FOXN3: variants seen among roughly 807,000 people sequenced by gnomAD.
FOXN3 encodes the protein forkhead box N3, also known as forkhead box protein N3.
A neutral mutation model predicts 38.4 loss-of-function variants in FOXN3; 7 were observed. That is an observed-to-expected ratio of 0.18 (90% CI 0.10 to 0.34). FOXN3 has a LOEUF of 0.34. FOXN3 is among the 10% of genes least tolerant of loss of function. FOXN3 has a pLI of 1.00. For missense variants in FOXN3, 456 were observed against 613.4 expected, an observed-to-expected ratio of 0.74 and a Z score of 2.71; for synonymous variants, 230 against 242.2, an observed-to-expected ratio of 0.95 and a Z score of 0.47.
At chr14:89,405,305 T>G (rs1232297279) in intron 2 of FOXN3, among the ~76,000 whole-genome samples, 1 of 151,796 alleles carries the variant, frequency 6.6e-6, no homozygotes, top group Non-Finnish European at 1.5e-5. Flanking sequence ...CCCGGCTACT[T>G]TTTGTATTTT....
chr14:89,379,753 C>G (rs751122701), intron 2 of FOXN3, among the ~76,000 whole-genome samples: 3 of 152,050 alleles, frequency 2.0e-5, no homozygotes, highest in Non-Finnish European at 4.4e-5. Context: ...TCCCCACCAC[C>G]AGGTTCAAGG....
At chr14:89,325,301 A>ACACCAC (rs1369611682) in intron 3 of FOXN3, among the ~76,000 whole-genome samples, 12 of 80,302 alleles carry the variant, frequency 1.5e-4, no homozygotes, top group East Asian at 7.5e-4. Flanking sequence ...ACCAACACCA[A>ACACCAC]CACCACCACC....
At chr14:89,590,097 A>G (rs1895920083) in intron 1 of FOXN3, among the ~76,000 whole-genome samples, 1 of 152,124 alleles carries the variant, frequency 6.6e-6, no homozygotes. Context: ...CGATGTTACC[A>G]TTTGAATCTA....
At chr14:89,379,688 G>A (rs778530250) in intron 2 of FOXN3, among the ~76,000 whole-genome samples, 14 of 151,056 alleles carry the variant, frequency 9.3e-5, no homozygotes, top group African/African-American at 2.2e-4. Flanking sequence ...TCGCTCTTTC[G>A]CCCAGGCTGG....
At chr14:89,590,715 G>T (rs1433928419) in intron 1 of FOXN3, among the ~76,000 whole-genome samples, 6 of 152,092 alleles carry the variant, frequency 3.9e-5, no homozygotes, top group Non-Finnish European at 8.8e-5. Flanking sequence ...CCCAAAGAAG[G>T]ACATAGAAAC....
At chr14:89,594,115 T>G (rs28502281) in intron 1 of FOXN3, among the ~76,000 whole-genome samples, 4,185 of 152,322 alleles carry the variant, frequency 0.027, 176 homozygotes, top group African/African-American at 0.096. Context: ...ATACTCTTGA[T>G]GGACACTGGG....
rs555799467 is a variant in FOXN3, at chr14:89,470,283, CT to C, written c.-14-57794del. Among the ~76,000 whole-genome samples the C allele has an allele frequency of 1.6e-4, 14 of 85,808 alleles. No homozygotes were observed. The East Asian group carries it at 4.3e-3, about 27-fold the overall frequency. 56.3% of individuals were successfully genotyped at this position (85,808 alleles called of 152,430 possible). On this transcript the variant is annotated intron_variant, in intron 1 of 6. Transcript: ENST00000345097. ...CAACCTACAATTATTACATATTTCTCTCTGACTTTCTAAAAAAAAAAAAAAG... is the reference window on the plus strand; with the variant it reads ...CAACCTACAATTATTACATATTTCTCCTGACTTTCTAAAAAAAAAAAAAAG...
intron 3 of FOXN3, among the ~76,000 whole-genome samples, chr14:89,292,016 C>T (rs1286792141): frequency 3.3e-5 from 5 of 152,150 alleles, no homozygotes; most frequent in South Asian, 4.1e-4. Flanking sequence ...CCAATCTCTC[C>T]ACTCATCAAG....
chr14:89,326,533 T>C (rs1888087168), intron 3 of FOXN3, among the ~76,000 whole-genome samples: 1 of 152,174 alleles, frequency 6.6e-6, no homozygotes, highest in South Asian at 2.1e-4. Flanking sequence ...CACTGGACTT[T>C]AGTCAAAAGT....
intron 4 of FOXN3, among the ~76,000 whole-genome samples, chr14:89,278,779 CGA>C (rs1566945159): frequency 6.6e-6 from 1 of 152,072 alleles, no homozygotes; most frequent in Non-Finnish European, 1.5e-5. Flanking sequence ...TAGGGAAAAA[CGA>C]GGGATGTGCG....
chr14:89,316,790 C>T (rs765991519), intron 3 of FOXN3, among the ~76,000 whole-genome samples: 2 of 152,016 alleles, frequency 1.3e-5, no homozygotes, highest in African/African-American at 2.4e-5. Context: ...CTCAGCCTCC[C>T]GAGTAGCTAG....
intron 1 of FOXN3, chr14:89,577,166 C>G (rs1261914746): frequency 6.6e-6 from 1 of 152,266 alleles, no homozygotes; most frequent in Non-Finnish European, 1.5e-5. Flanking sequence ...CTGCAAATGC[C>G]TGGGGTGCGA....
At chr14:89,567,774 G>T (rs1895392955) in intron 1 of FOXN3, among the ~76,000 whole-genome samples, 1 of 146,848 alleles carries the variant, frequency 6.8e-6, no homozygotes, top group Admixed American at 6.9e-5. Context: ...CCAGGCTGGA[G>T]TGCAGTGGCG....
chr14:89,525,903 A>T lies in FOXN3; in HGVS notation c.-15+93125T>A, dbSNP rs373644. Among the ~76,000 whole-genome samples the T allele has an allele frequency of 4.7e-3, 714 of 151,880 alleles. 5 individuals are homozygous for T. The highest frequency in any genetic ancestry group is 0.016 in the African/African-American group (664 of 41,420). On this transcript the variant is annotated intron_variant, in intron 1 of 6. Transcript: ENST00000345097. ...CTTAGCAAATCAAATCCAATAATAA[A>T]GGTAAAAGATAATACATGGCCAAGT...
chr14:89,424,740 C>T (rs1337392450), intron 1 of FOXN3, among the ~76,000 whole-genome samples: 3 of 151,800 alleles, frequency 2.0e-5, no homozygotes, highest in Non-Finnish European at 4.4e-5. Flanking sequence ...GAAAAATTAG[C>T]CAGGCATGGT....
chr14:89,496,620 C>T (rs1893688674), intron 1 of FOXN3, among the ~76,000 whole-genome samples: 2 of 152,172 alleles, frequency 1.3e-5, no homozygotes, highest in Non-Finnish European at 2.9e-5. Flanking sequence ...CCCCTACACC[C>T]CGCAATGTTT....
At chr14:89,313,422 G>C (rs376578601) in intron 3 of FOXN3, among the ~76,000 whole-genome samples, 2 of 152,266 alleles carry the variant, frequency 1.3e-5, no homozygotes, top group South Asian at 4.1e-4. Flanking sequence ...GCTGGGCGTG[G>C]TGGCGCATGC....
At chr14:89,588,457 A>G (rs1895889723) in intron 1 of FOXN3, among the ~76,000 whole-genome samples, 1 of 152,226 alleles carries the variant, frequency 6.6e-6, no homozygotes, top group Admixed American at 6.5e-5. Flanking sequence ...TTTCTGTTTC[A>G]GCATCCAGCA....
chr14:89,462,395 T>C lies in FOXN3; in HGVS notation c.-14-49905A>G, dbSNP rs114186387. Among the ~76,000 whole-genome samples the C allele has an allele frequency of 1.9e-3, 291 of 152,356 alleles. 1 individual carries two copies. Among genetic ancestry groups the C allele is most frequent in the African/African-American group, 6.8e-3 (284 of 41,584 alleles). ...CTCCCACCTACCTAAGCCACTATTATTGGAGAATATATCTGGCAAGTTAAT... is the reference window on the plus strand; with the variant it reads ...CTCCCACCTACCTAAGCCACTATTACTGGAGAATATATCTGGCAAGTTAAT... On this transcript the variant is annotated intron_variant, in intron 1 of 6. Coordinates refer to the FOXN3 transcript ENST00000345097.
Sources: gnomAD v4.1 joint callset for allele counts (sites outside exome capture counted in the v4.1 genomes callset) on GRCh38, gnomAD v4.1.1 for gene constraint, MANE v1.5 for transcripts, NCBI Gene and HGNC (gene_info 2026-07-23, HGNC 2026-07-21) for gene names.